The following GAB2 variants were observed in gnomAD, a reference collection of about 807,000 sequenced individuals.
GAB2 encodes GRB2 associated binding protein 2.
In GAB2, 26 loss-of-function variants were observed where a neutral mutation model predicts 65.5. The observed-to-expected ratio is 0.40, with a 90% CI of 0.29 to 0.55. The LOEUF (loss-of-function observed/expected upper bound fraction) is 0.55, where lower values mean the gene tolerates loss of function less well. Among genes scored for constraint, GAB2 ranks in the 20% least tolerant of loss-of-function variants. GAB2 has a pLI of 0.53. For synonymous variants in GAB2, 321 were observed against 329.6 expected (o/e 0.97, Z 0.28); for missense variants, 884 against 875.8 (o/e 1.01, Z -0.12).
At chr11:78,309,133 A>C (rs955284058) in intron 1 of GAB2, among the ~76,000 whole-genome samples, 7 of 152,188 alleles carry the variant, frequency 4.6e-5, no homozygotes, top group Non-Finnish European at 7.4e-5. Flanking sequence ...GGGAGAGAGA[A>C]GAGTCAAAAG....
intron 1 of GAB2, among the ~76,000 whole-genome samples, chr11:78,334,473 T>G (rs990165834): frequency 7.9e-5 from 12 of 152,192 alleles, no homozygotes; most frequent in African/African-American, 2.9e-4. Context: ...ATTGTTTTGA[T>G]TTTTAGATCC....
chr11:78,220,036 G>C (rs1864341783), intron 9 of GAB2, among the ~76,000 whole-genome samples: 1 of 152,128 alleles, frequency 6.6e-6, no homozygotes, highest in East Asian at 1.9e-4. Flanking sequence ...GTAACCTTAG[G>C]ACAATCAGAT....
intron 2 of GAB2, among the ~76,000 whole-genome samples, chr11:78,257,898 C>T (rs1037439033): frequency 6.6e-6 from 1 of 151,884 alleles, no homozygotes; most frequent in Admixed American, 6.6e-5. Context: ...AGTGGCATAG[C>T]CTAGATCTGA....
At chr11:78,231,325 C>T (rs962594533) in intron 3 of GAB2, among the ~76,000 whole-genome samples, 10 of 117,340 alleles carry the variant, frequency 8.5e-5, no homozygotes, top group South Asian at 5.4e-4. Context: ...GGTGCGCGCG[C>T]GCGCGTGTGT....
Position 78,417,788 on chromosome 11 carries a change from G to A in GAB2, c.-68C>T, listed in dbSNP as rs904228782. On this transcript the variant is annotated 5_prime_UTR_variant, in exon 1 of 10. Transcript: ENST00000361507. ...CGCGGGCTCGGGCAGCTGGGGCAGC[G>A]GCCGGCGGTGCGCAGCTCGCGGGAG... 2 of 861,722 alleles carry A rather than the reference G, an allele frequency of 2.3e-6. No individual in the cohort carries two copies. Among genetic ancestry groups the A allele is most frequent in the Non-Finnish European group, 2.8e-6 (2 of 702,762 alleles). The allele number at this position is 861,722 out of a possible 1,614,324, so 53.4% of individuals were successfully genotyped here.
At position 78,289,419 on chromosome 11, in the gene GAB2, G is replaced by A. The variant is rs1039195030; in HGVS notation, c.76-8518C>T. Among the ~76,000 whole-genome samples, 8 of 152,252 alleles carry A rather than the reference G, an allele frequency of 5.3e-5. No homozygotes were observed. The East Asian group carries it at 7.7e-4, about 15-fold the overall frequency. On this transcript the variant is annotated intron_variant, in intron 1 of 9. Transcript: ENST00000361507. ...AACTATAAAACGTTTAGAAAAAAAG[G>A]TGAAAATCTTTGGGATCTAAGGTAC...
intron 1 of GAB2, among the ~76,000 whole-genome samples, chr11:78,403,875 T>C (rs1429677226): frequency 2.0e-5 from 3 of 151,866 alleles, no homozygotes; most frequent in Non-Finnish European, 2.9e-5. Context: ...TATAAGGAGC[T>C]CAAAGTCATA....
intron 2 of GAB2, 55 bp from the exon 3 acceptor site, chr11:78,250,455 C>G (rs1385401091): frequency 6.6e-7 from 1 of 1,509,286 alleles, no homozygotes; most frequent in African/African-American, 1.4e-5. Flanking sequence ...TATCCTTATC[C>G]CAAAGTGAGT....
chr11:78,253,127 C>T (rs1053679776), intron 2 of GAB2, among the ~76,000 whole-genome samples: 4 of 151,272 alleles, frequency 2.6e-5, no homozygotes. Flanking sequence ...ACTCCGGCCT[C>T]AGCCTCCTGA....
chr11:78,308,660 GAACT>G (rs1426506553), intron 1 of GAB2, among the ~76,000 whole-genome samples: 1 of 152,060 alleles, frequency 6.6e-6, no homozygotes, highest in Non-Finnish European at 1.5e-5. Context: ...AAAATAAACA[GAACT>G]AACAATATTT....
intron 3 of GAB2, among the ~76,000 whole-genome samples, chr11:78,239,510 C>A (rs1342991219): frequency 2.0e-5 from 3 of 152,192 alleles, no homozygotes; most frequent in Non-Finnish European, 2.9e-5. Context: ...TGAGCCACCA[C>A]ACCTGGCCTC....
At chr11:78,343,107 T>C (rs1304029905) in intron 1 of GAB2, among the ~76,000 whole-genome samples, 1 of 152,146 alleles carries the variant, frequency 6.6e-6, no homozygotes. Context: ...AGTTACTTTT[T>C]TGAGGAATCA....
chr11:78,233,699 T>G (rs1022417044), intron 3 of GAB2, among the ~76,000 whole-genome samples: 1 of 152,066 alleles, frequency 6.6e-6, no homozygotes, highest in Non-Finnish European at 1.5e-5. Flanking sequence ...CTCCACCTCC[T>G]GGGTTCAAGC....
chr11:78,248,904 C>T (rs1865370517), intron 3 of GAB2, among the ~76,000 whole-genome samples: 1 of 152,236 alleles, frequency 6.6e-6, no homozygotes, highest in Non-Finnish European at 1.5e-5. Context: ...ACGCCACTAA[C>T]TAGTTCAGTG....
chr11:78,224,183 A>G (rs965267483), intron 5 of GAB2, among the ~76,000 whole-genome samples: 3 of 152,154 alleles, frequency 2.0e-5, no homozygotes, highest in Admixed American at 1.3e-4. Flanking sequence ...TCCACTAATA[A>G]TTTTTGATAA....
chr11:78,341,818 G>T (rs2292572), intron 1 of GAB2: 181,571 of 984,344 alleles, frequency 0.18, 18,935 homozygotes, highest in East Asian at 0.41. Flanking sequence ...TGCTAGCCTC[G>T]CCTTTGTCTC....
chr11:78,331,603 A>G (rs761263233), intron 1 of GAB2, among the ~76,000 whole-genome samples: 9 of 152,214 alleles, frequency 5.9e-5, no homozygotes, highest in Non-Finnish European at 8.8e-5. Context: ...CAAAAGATAT[A>G]ATGTGTTTAA....
intron 3 of GAB2, among the ~76,000 whole-genome samples, chr11:78,244,488 C>T (rs1366146372): frequency 6.6e-6 from 1 of 151,990 alleles, no homozygotes; most frequent in Non-Finnish European, 1.5e-5. Flanking sequence ...AGACAACCTA[C>T]TGAATGGGAG....
rs1368485281 is a variant in GAB2 at position 78,218,686 on chromosome 11, C to T, written c.*586G>A. ...TCCCTCTTCATCTGGGCATCTAAGT[C>T]CTTTACCCCTCAAGACCACTGCTGA... On this transcript the variant is annotated 3_prime_UTR_variant, in exon 10 of 10. Coordinates refer to ENST00000361507, the MANE Select transcript of GAB2 (RefSeq NM_080491.3). 5 of 153,078 alleles carry T rather than the reference C, an allele frequency of 3.3e-5. No homozygotes were observed. The highest frequency in any genetic ancestry group is 7.2e-5 in the African/African-American group (3 of 41,468). 9.5% of individuals were successfully genotyped at this position (153,078 alleles called of 1,614,324 possible).
Sources: gnomAD v4.1 joint callset for allele counts (sites outside exome capture counted in the v4.1 genomes callset) on GRCh38, gnomAD v4.1.1 for gene constraint, MANE v1.5 for transcripts, NCBI Gene and HGNC (gene_info 2026-07-23, HGNC 2026-07-21) for gene names.